PRDM9: variants seen among roughly 807,000 people sequenced by gnomAD.
PRDM9 encodes the protein PR/SET domain 9, also known as histone-lysine N-methyltransferase PRDM9.
In PRDM9, 47 loss-of-function variants were observed where a neutral mutation model predicts 55.6. The observed-to-expected ratio is 0.85, with a 90% CI of 0.67 to 1.08. The LOEUF is 1.08. Ranked by LOEUF, PRDM9 falls within the 50% of genes least tolerant of loss-of-function variation. The probability of loss-of-function intolerance (pLI) is 0.00; values close to 1 mark genes in which losing one functional copy is unlikely to be tolerated. For synonymous variants in PRDM9, 312 were observed against 375.7 expected, an observed-to-expected ratio of 0.83 and a Z score of 1.96; for missense variants, 867 against 1,040.3, an observed-to-expected ratio of 0.83 and a Z score of 2.29.
intron 4 of PRDM9, among the ~76,000 whole-genome samples, chr5:23,510,588 C>T (rs1739075988): frequency 6.6e-6 from 1 of 151,502 alleles, no homozygotes; most frequent in South Asian, 2.1e-4. Context: ...AAATTCCTGG[C>T]CTCAAGTGAT....
In PRDM9 at chr5:23,521,043, C is replaced by T; in HGVS notation, c.372C>T (p.Phe124=). 1 of 1,614,170 alleles carries T rather than the reference C, an allele frequency of 6.2e-7. No homozygotes were observed. Residue 124 remains phenylalanine (F), a synonymous_variant, in exon 6 of 11, where the codon TTC becomes TTT. Coordinates refer to ENST00000296682, the MANE Select transcript of PRDM9 (RefSeq NM_020227.4). ...KHQKGMPKAS[F]SNESSLKELS... Reference sequence around the variant, plus strand: ...TAAAGGGAATGCCCAAGGCGTCATTCAGTAATGAATCTAGTTTGAAAGAAT... The same window carrying T: ...TAAAGGGAATGCCCAAGGCGTCATTTAGTAATGAATCTAGTTTGAAAGAAT...
At chr5:23,507,919 A>C (rs1160343222) in intron 1 of PRDM9, among the ~76,000 whole-genome samples, 2 of 151,826 alleles carry the variant, frequency 1.3e-5, no homozygotes, top group Non-Finnish European at 2.9e-5. Context: ...GAATCTCCTA[A>C]TGCTTAGAGC....
At chr5:23,513,906 A>C (rs1272782013) in intron 4 of PRDM9, among the ~76,000 whole-genome samples, 2 of 151,746 alleles carry the variant, frequency 1.3e-5, no homozygotes, top group Non-Finnish European at 2.9e-5. Flanking sequence ...AAAAAAACCC[A>C]CACACACACA....
rs369423236 is a variant in PRDM9, at chr5:23,527,688, G to A, written c.2600G>A (p.Arg867Gln). 1.7e-4 allele frequency: 265 copies of A among 1,585,674 alleles called. 3 individuals carry two copies. In the South Asian group the frequency reaches 2.8e-3, roughly 17 times the overall value. The change falls in exon 11 of 11, where the codon CGG becomes CAG. Residue 867 changes from arginine to glutamine, a missense_variant. By Grantham distance (43) the Arg-to-Gln change is conservative. Transcript: ENST00000296682. ...CCCTACGTCTGCAGGGAGTGTGGGC[G>A]GGGCTTTAGCGATAGGTCAAGCCTC... ...EKPYVCRECGRGFSDRSSLCY... is the reference protein window; with the variant it reads ...EKPYVCRECGQGFSDRSSLCY...
chr5:23,526,726 T>A lies in PRDM9; in HGVS notation c.1638T>A (p.His546Gln). The A allele has an allele frequency of 6.2e-7, 1 of 1,613,438 alleles. No individual in the cohort carries two copies. The highest frequency in any genetic ancestry group is 8.5e-7 in the Non-Finnish European group (1 of 1,179,712). The change falls in exon 11 of 11, where the codon CAT becomes CAA. Residue 546 changes from histidine (H) to glutamine (Q), a missense_variant. By Grantham distance (24) the His-to-Gln change is conservative (BLOSUM62 0). This residue lies in a region of PRDM9 where 662 missense variants were observed against 711.9 expected (regional missense o/e 0.93). Transcript: ENST00000296682. ...ATGTTATTACACACCAAAGGACACATACAGGGGAGAAGCTCTACGTCTGCA... is the reference window on the plus strand; with the variant it reads ...ATGTTATTACACACCAAAGGACACAAACAGGGGAGAAGCTCTACGTCTGCA... Reference protein sequence around the residue: ...KSDVITHQRTHTGEKLYVCRE... With the variant: ...KSDVITHQRTQTGEKLYVCRE...
chr5:23,523,772 G>T (rs544502467), intron 9 of PRDM9, among the ~76,000 whole-genome samples: 2 of 152,250 alleles, frequency 1.3e-5, no homozygotes, highest in Admixed American at 1.3e-4. Context: ...TTCTATCAGA[G>T]AATAGAAAAA....
intron 5 of PRDM9, among the ~76,000 whole-genome samples, chr5:23,520,723 C>T (rs948630041): frequency 1.3e-5 from 2 of 152,098 alleles, no homozygotes; most frequent in South Asian, 4.1e-4. Flanking sequence ...TAAGCCCTTA[C>T]CCCCTTCTTT....
At chr5:23,518,216 T>C (rs1472287510) in intron 5 of PRDM9, among the ~76,000 whole-genome samples, 1 of 152,204 alleles carries the variant, frequency 6.6e-6, no homozygotes, top group Non-Finnish European at 1.5e-5. Flanking sequence ...ACCTATTAAG[T>C]AGATGTTGTA....
intron 3 of PRDM9, 78 bp from the exon 4 acceptor site, chr5:23,509,842 G>T: frequency 6.7e-7 from 1 of 1,501,718 alleles, no homozygotes; most frequent in Non-Finnish European, 9.3e-7. Context: ...CTGGCTTTGT[G>T]GTGCTTTCCA....
rs1561023598 is a variant in PRDM9, at chr5:23,527,699, G to C, written c.2611G>C (p.Asp871His). ...VCRECGRGFS[D>H]RSSLCYHQRT... ...CAGGGAGTGTGGGCGGGGCTTTAGC[G>C]ATAGGTCAAGCCTCTGCTATCACCA... The change falls in exon 11 of 11, where the codon GAT (aspartate) becomes CAT (histidine). Residue 871 changes from aspartate to histidine, a missense_variant. By Grantham distance (81) the Asp-to-His change is moderately conservative. Around this residue, in one of 5 missense-constraint regions of PRDM9, gnomAD observed 86 missense variants for 73.6 expected, o/e 1.17. Transcript: ENST00000296682. The C allele has an allele frequency of 2.5e-6, 4 of 1,580,116 alleles. No homozygotes were observed. Among genetic ancestry groups the C allele is most frequent in the East Asian group, 4.8e-5 (2 of 41,930 alleles).
chr5:23,526,521 G>C lies in PRDM9; in HGVS notation c.1433G>C (p.Ser478Thr). The C allele has an allele frequency of 6.2e-7, 1 of 1,614,054 alleles. No individual in the cohort carries two copies. Among genetic ancestry groups the C allele is most frequent in the Non-Finnish European group, 8.5e-7 (1 of 1,179,948 alleles). ...WQREISRAFS[S>T]PPKGQMGSCR... ...AGGGAGATTTCAAGGGCCTTTTCTA[G>C]CCCACCCAAAGGACAAATGGGGAGC... The change falls in exon 11 of 11, where the codon AGC becomes ACC. Residue 478 changes from serine to threonine, a missense_variant. Physicochemically the swap from Ser to Thr is moderately conservative, Grantham distance 58 (BLOSUM62 1). Around this residue, in one of 5 missense-constraint regions of PRDM9, gnomAD observed 662 missense variants for 711.9 expected, o/e 0.93. Coordinates refer to ENST00000296682, the MANE Select transcript of PRDM9 (RefSeq NM_020227.4).
Position 23,526,224 on chromosome 5 carries a change from C to T in PRDM9, c.1145-9C>T, listed in dbSNP as rs1739425620. 1 of 1,613,950 alleles carries T rather than the reference C, an allele frequency of 6.2e-7. No individual in the cohort carries two copies. Among genetic ancestry groups the T allele is most frequent in the Admixed American group, 1.7e-5 (1 of 60,030 alleles). On this transcript the variant is annotated splice_polypyrimidine_tract_variant and intron_variant, in intron 10 of 10. Coordinates refer to ENST00000296682, the MANE Select transcript of PRDM9 (RefSeq NM_020227.4). ...AACATCTACCCTGACCAAAAACTTC[C>T]TCTTTCAGAACCAAAGCCAGAGATC...
chr5:23,524,566 A>G, intron 10 of PRDM9, 39 bp downstream of exon 10: 1 of 1,611,756 alleles, frequency 6.2e-7, no homozygotes, highest in Non-Finnish European at 8.5e-7. Context: ...GACAGGAAAG[A>G]AAGAATTATC....
intron 4 of PRDM9, among the ~76,000 whole-genome samples, chr5:23,513,372 G>T (rs115687452): frequency 6.6e-6 from 1 of 152,156 alleles, no homozygotes; most frequent in Admixed American, 6.5e-5. Context: ...ATGGATTAAC[G>T]CCACTATCAC....
chr5:23,520,248 C>T (rs565635480), intron 5 of PRDM9, among the ~76,000 whole-genome samples: 1 of 149,294 alleles, frequency 6.7e-6, no homozygotes, highest in South Asian at 2.1e-4. Context: ...GCCTGTAATC[C>T]TAGCTTCTCG....
intron 4 of PRDM9, among the ~76,000 whole-genome samples, chr5:23,515,310 A>C (rs1207984929): frequency 2.0e-5 from 3 of 152,156 alleles, no homozygotes; most frequent in Admixed American, 1.3e-4. Context: ...AGGTCTCACT[A>C]TGTTGCTCTG....
At chr5:23,510,341 A>G in intron 4 of PRDM9, among the ~76,000 whole-genome samples, 1 of 151,780 alleles carries the variant, frequency 6.6e-6, no homozygotes, top group Non-Finnish European at 1.5e-5. Context: ...GATTACAGCC[A>G]TGAGCCACCA....
chr5:23,509,243 G>A lies in PRDM9; in HGVS notation c.69+141G>A, dbSNP rs558859839. On this transcript the variant is annotated intron_variant, in intron 2 of 10. Coordinates refer to ENST00000296682, the MANE Select transcript of PRDM9 (RefSeq NM_020227.4). Reference sequence around the variant, plus strand: ...AGCTGGTCCTGGCCAGGACATGGGGGAGAAAAGAACACTAGCATCAGCGAC... The same window carrying A: ...AGCTGGTCCTGGCCAGGACATGGGGAAGAAAAGAACACTAGCATCAGCGAC... 108 of 1,343,848 alleles carry A rather than the reference G, an allele frequency of 8.0e-5. No individual in the cohort carries two copies. The African/African-American group carries it at 1.3e-3, about 17-fold the overall frequency. 83.2% of individuals were successfully genotyped at this position (1,343,848 alleles called of 1,614,324 possible).
intron 6 of PRDM9, among the ~76,000 whole-genome samples, chr5:23,521,548 G>A (rs1037334291): frequency 6.6e-5 from 10 of 152,264 alleles, no homozygotes; most frequent in African/African-American, 2.4e-4. Context: ...TTGTTGACCA[G>A]GCTGGTCTCA....
Sources: allele counts gnomAD v4.1 joint callset (sites outside exome capture counted in the v4.1 genomes callset), GRCh38; gene constraint gnomAD v4.1.1; regional missense constraint gnomAD v4.1.1; transcripts MANE v1.5; gene names NCBI Gene and HGNC (gene_info 2026-07-23, HGNC 2026-07-21).